Variants in ZZEF1 observed in about 807,000 individuals in gnomAD.
The protein encoded by ZZEF1 is zinc finger ZZ-type and EF-hand domain-containing protein 1.
A neutral mutation model predicts 342.8 loss-of-function variants in ZZEF1; 157 were observed. The observed-to-expected ratio is 0.46, with a 90% CI of 0.40 to 0.52. The LOEUF is 0.52. Among genes scored for constraint, ZZEF1 ranks in the 20% least tolerant of loss-of-function variants. ZZEF1 has a pLI of 0.00. For missense variants in ZZEF1, 3,480 were observed against 3,725.6 expected, an observed-to-expected ratio of 0.93 and a Z score of 1.72; for synonymous variants, 1,505 against 1,429.1, an observed-to-expected ratio of 1.05 and a Z score of -1.20.
At chr17:4,120,216 G>A (rs1261869947) in intron 2 of ZZEF1, among the ~76,000 whole-genome samples, 2 of 152,096 alleles carry the variant, frequency 1.3e-5, no homozygotes, top group Non-Finnish European at 2.9e-5. Flanking sequence ...AATTATCTGG[G>A]CGCGGTGGCG....
chr17:4,064,557 C>T lies in ZZEF1; in HGVS notation c.4522G>A (p.Val1508Met), dbSNP rs368552593. ...GGCTCTTCAGCTGTGGCAGGGGACA[C>T]GTCTGCAGCAGGAAGGCCACTGCTG... Reference protein sequence around the residue: ...PSSSGLPAADVSPATAEEPLS... With the variant: ...PSSSGLPAADMSPATAEEPLS... The change falls in exon 29 of 55, where the codon GTG becomes ATG. Residue 1508 changes from valine to methionine, a missense_variant. Physicochemically the swap from Val to Met is conservative, Grantham distance 21. Transcript: ENST00000381638. 23 of 1,614,150 alleles carry T rather than the reference C, an allele frequency of 1.4e-5. No homozygotes were observed. The highest frequency in any genetic ancestry group is 4.0e-5 in the African/African-American group (3 of 75,030).
chr17:4,088,972 G>T, intron 12 of ZZEF1, 79 bp from the exon 13 acceptor site: 1 of 1,379,412 alleles, frequency 7.2e-7, no homozygotes, highest in East Asian at 2.4e-5. Flanking sequence ...AGGCCTTTCC[G>T]GGAAGGTCTT....
chr17:4,063,393 T>C (rs946382704), intron 29 of ZZEF1, among the ~76,000 whole-genome samples: 1 of 152,132 alleles, frequency 6.6e-6, no homozygotes, highest in African/African-American at 2.4e-5. Context: ...CTGGGTAACA[T>C]AGGGCGGCCA....
At chr17:4,070,037 G>A (rs748733504) in intron 26 of ZZEF1, among the ~76,000 whole-genome samples, 3 of 152,144 alleles carry the variant, frequency 2.0e-5, no homozygotes, top group Non-Finnish European at 2.9e-5. Context: ...CTCTCCCTCC[G>A]TGTGGGTCCT....
At position 4,022,723 on chromosome 17, in the gene ZZEF1, G is replaced by A; in HGVS notation, c.7198C>T (p.Leu2400Phe). 1.2e-6 allele frequency: 2 copies of A among 1,613,894 alleles called. No homozygotes were observed. Among genetic ancestry groups the A allele is most frequent in the Non-Finnish European group, 1.7e-6 (2 of 1,180,010 alleles). Residue 2400 changes from leucine (L) to phenylalanine (F), a missense_variant, in exon 44 of 55, where the codon CTC (leucine) becomes TTC (phenylalanine). Leu to Phe is a conservative substitution (Grantham distance 22). Around this residue, in one of 5 missense-constraint regions of ZZEF1, gnomAD observed 1,269 missense variants for 1,342.4 expected, o/e 0.95. Transcript: ENST00000381638. ...TCGTCTCTTACTTCCAGGTCCCGGAGGAGCCACGTTTTACTAAAGCCAGTC... is the reference window on the plus strand; with the variant it reads ...TCGTCTCTTACTTCCAGGTCCCGGAAGAGCCACGTTTTACTAAAGCCAGTC... Reference protein sequence around the residue: ...KGTGFSKTWLLRDLEILSIML... With the variant: ...KGTGFSKTWLFRDLEILSIML...
rs1473957333 is a variant in ZZEF1 at position 4,058,002 on chromosome 17, A to G, written c.5157T>C (p.Ser1719=). 6.2e-7 allele frequency: 1 copy of G among 1,614,088 alleles called. No homozygotes were observed. The highest frequency in any genetic ancestry group is 1.1e-5 in the South Asian group (1 of 91,064). The change falls in exon 32 of 55, where the codon AGT becomes AGC. Residue 1719 remains serine (S), a synonymous_variant. Coordinates refer to ENST00000381638, the MANE Select transcript of ZZEF1 (RefSeq NM_015113.4). ...CAGGACCGTGCTCTTACCTGATCAC[A>G]CTGTCATGGACACTTATATTCTCCT... is the stretch of plus-strand genomic sequence containing the variant. The part of the protein sequence containing the change: ...MSQENISVHD[S]VISQWSEEDE...
At chr17:4,052,693 C>T (rs1378303897) in intron 34 of ZZEF1, among the ~76,000 whole-genome samples, 3 of 152,208 alleles carry the variant, frequency 2.0e-5, no homozygotes, top group Non-Finnish European at 4.4e-5. Context: ...ATGGTGAAAC[C>T]TCGTCTCTAT....
intron 39 of ZZEF1, among the ~76,000 whole-genome samples, chr17:4,040,250 C>T (rs1210224094): frequency 1.3e-5 from 2 of 151,950 alleles, no homozygotes; most frequent in African/African-American, 4.8e-5. Flanking sequence ...TATTCTAGCG[C>T]AACAAAAAAT....
chr17:4,011,264 G>A (rs1474373447), intron 52 of ZZEF1, among the ~76,000 whole-genome samples: 1 of 152,122 alleles, frequency 6.6e-6, no homozygotes, highest in Non-Finnish European at 1.5e-5. Flanking sequence ...TTAGCTGGGT[G>A]TGGTGGCGTA....
Position 4,079,031 on chromosome 17 carries a change from T to A in ZZEF1, c.2830-989A>T, listed in dbSNP as rs539416009. ...TAACTTCTTTTGTACCACAGGTAAGTGAAAGAGAAGAAAAGACACACAACT... is the reference window on the plus strand; with the variant it reads ...TAACTTCTTTTGTACCACAGGTAAGAGAAAGAGAAGAAAAGACACACAACT... On this transcript the variant is annotated intron_variant, in intron 18 of 54. Coordinates refer to ENST00000381638, the MANE Select transcript of ZZEF1 (RefSeq NM_015113.4). Among the ~76,000 whole-genome samples, 5 of 152,280 alleles carry A rather than the reference T, an allele frequency of 3.3e-5. No homozygotes were observed. In the South Asian group the frequency reaches 1.0e-3, roughly 32 times the overall value.
At chr17:4,050,751 G>T (rs748379589) in intron 36 of ZZEF1, 30 bp downstream of exon 36, 42 of 1,611,820 alleles carry the variant, frequency 2.6e-5, no homozygotes, top group Non-Finnish European at 2.5e-5. Context: ...ACTGAGGGCT[G>T]GTTTTGGTTT....
In ZZEF1 at chr17:4,114,332, T is replaced by A; in HGVS notation, c.833A>T (p.Gln278Leu). The stretch of plus-strand genomic sequence containing the variant: ...GTGTGAACAGGCACTGCCATCTGAC[T>A]GCCAGTAGGATGAGGTTTCTCCATT... ...MTNGETSSYW[Q>L]SDGSACSHWI... The change falls in exon 4 of 55, where the codon CAG (glutamine) becomes CTG (leucine). Residue 278 changes from glutamine (Q) to leucine (L), a missense_variant. Around this residue, in one of 5 missense-constraint regions of ZZEF1, gnomAD observed 92 missense variants for 130.3 expected, o/e 0.71. Transcript: ENST00000381638. 6.2e-7 allele frequency: 1 copy of A among 1,608,872 alleles called. No homozygotes were observed.
rs572494569 is a variant in ZZEF1 at position 4,093,945 on chromosome 17, C to T, written c.1913+1886G>A. Among the ~76,000 whole-genome samples the T allele has an allele frequency of 3.1e-4, 47 of 152,280 alleles. 1 individual carries two copies. The South Asian group carries it at 7.7e-3, about 25-fold the overall frequency. ...ACTTCTGGGTAACATCTGACACCAT[C>T]GCCCATTCCCTCAAACATTATTTTC... On this transcript the variant is annotated intron_variant, in intron 11 of 54. Coordinates refer to ENST00000381638, the MANE Select transcript of ZZEF1 (RefSeq NM_015113.4).
chr17:4,130,908 T>G (rs926619065), intron 1 of ZZEF1, among the ~76,000 whole-genome samples: 2 of 152,130 alleles, frequency 1.3e-5, no homozygotes, highest in African/African-American at 4.8e-5. Context: ...ACAGTTTCTA[T>G]GTCAAAGGTC....
At chr17:4,077,033 T>A in intron 19 of ZZEF1, 44 bp from the exon 20 acceptor site, 1 of 1,519,584 alleles carries the variant, frequency 6.6e-7, no homozygotes, top group South Asian at 1.3e-5. Context: ...ATAGTAGAAA[T>A]GTCACATGCT....
intron 25 of ZZEF1, 143 bp downstream of exon 25, chr17:4,072,465 T>TAACAAGG: frequency 9.6e-7 from 1 of 1,040,618 alleles, no homozygotes; most frequent in South Asian, 2.2e-5. Context: ...GTTAACAAGT[T>TAACAAGG]AACAAGGTAT....
chr17:4,065,452 C>T (rs1020206063), intron 28 of ZZEF1, among the ~76,000 whole-genome samples: 2 of 151,572 alleles, frequency 1.3e-5, no homozygotes, highest in Non-Finnish European at 2.9e-5. Flanking sequence ...CACATATTTA[C>T]TGACAGAATA....
rs779066418 is a variant in ZZEF1, at chr17:4,117,015, G to A, written c.651C>T (p.Ser217=). 1.3e-5 allele frequency: 21 copies of A among 1,613,090 alleles called. No homozygotes were observed. The highest frequency in any genetic ancestry group is 1.6e-4 in the Middle Eastern group (1 of 6,062). ...HCNNMCTMRS[S]VLKESLDQLV... ...GCTGATCCAGAGACTCCTTCAGGACGGAAGACCGCATGGTGCACATGTTAT... is the reference window on the plus strand; with the variant it reads ...GCTGATCCAGAGACTCCTTCAGGACAGAAGACCGCATGGTGCACATGTTAT... The change falls in exon 3 of 55, where the codon TCC becomes TCT. Residue 217 remains serine (S), a synonymous_variant. Coordinates refer to ENST00000381638, the MANE Select transcript of ZZEF1 (RefSeq NM_015113.4).
chr17:4,028,961 T>G (rs2056477170), intron 42 of ZZEF1, among the ~76,000 whole-genome samples: 1 of 152,190 alleles, frequency 6.6e-6, no homozygotes, highest in Non-Finnish European at 1.5e-5. Context: ...AGGAATATCA[T>G]TAGGGATAAA....
Sources: allele counts gnomAD v4.1 joint callset (sites outside exome capture counted in the v4.1 genomes callset), GRCh38; gene constraint gnomAD v4.1.1; regional missense constraint gnomAD v4.1.1; transcripts MANE v1.5; gene names NCBI Gene and HGNC (gene_info 2026-07-23, HGNC 2026-07-21).